Variants in SHISAL2B observed in about 807,000 individuals in gnomAD.
SHISAL2B encodes protein shisa-like-2B.
A neutral mutation model predicts 16.5 loss-of-function variants in SHISAL2B; 12 were observed. The ratio of observed to expected loss-of-function variants is 0.73; its 90% CI spans 0.47 to 1.18. The LOEUF is 1.18. Ranked by LOEUF, SHISAL2B falls within the 50% of genes most tolerant of loss-of-function variation. SHISAL2B has a pLI of 0.00. For missense variants in SHISAL2B, 183 were observed against 193.6 expected (o/e 0.95, Z 0.33); for synonymous variants, 72 against 75.0 (o/e 0.96, Z 0.21).
At chr5:64,702,455 C>A (rs920885064) in intron 2 of SHISAL2B, among the ~76,000 whole-genome samples, 1 of 152,128 alleles carries the variant, frequency 6.6e-6, no homozygotes, top group African/African-American at 2.4e-5. Context: ...CTGCCTTGGC[C>A]TCCCAAAGTG....
At chr5:64,712,412 T>G (rs1161455007) in intron 2 of SHISAL2B, among the ~76,000 whole-genome samples, 1 of 152,170 alleles carries the variant, frequency 6.6e-6, no homozygotes, top group Non-Finnish European at 1.5e-5. Flanking sequence ...GACAGTTTGT[T>G]ATAATTTCTG....
intron 2 of SHISAL2B, among the ~76,000 whole-genome samples, chr5:64,697,132 G>T (rs1252979902): frequency 6.6e-6 from 1 of 152,160 alleles, no homozygotes; most frequent in Admixed American, 6.5e-5. Flanking sequence ...AAAATAGAAA[G>T]AACCTATGTT....
Position 64,702,571 on chromosome 5 carries a change from T to C in SHISAL2B, c.349+6907T>C, listed in dbSNP as rs186272830. ...ATTAGTAATTAGTTATAGTTACCTA[T>C]GGTTATCTAATTATATAATTACCTA... On this transcript the variant is annotated intron_variant, in intron 2 of 2. Coordinates refer to ENST00000389074, the MANE Select transcript of SHISAL2B (RefSeq NM_001164442.2). Among the ~76,000 whole-genome samples the C allele has an allele frequency of 1.4e-3, 210 of 152,236 alleles. 1 individual carries two copies. Among genetic ancestry groups the C allele is most frequent in the African/African-American group, 4.9e-3 (202 of 41,570 alleles).
chr5:64,709,390 G>A (rs1741921895), intron 2 of SHISAL2B, among the ~76,000 whole-genome samples: 1 of 150,256 alleles, frequency 6.7e-6, no homozygotes, highest in South Asian at 2.1e-4. Flanking sequence ...TGGCTGCATA[G>A]TATTCCATGG....
intron 1 of SHISAL2B, among the ~76,000 whole-genome samples, chr5:64,692,813 A>G (rs1467241563): frequency 6.6e-6 from 1 of 152,058 alleles, no homozygotes; most frequent in Admixed American, 6.6e-5. Context: ...TTCTCCTCCT[A>G]TGACTCCCTA....
intron 2 of SHISAL2B, among the ~76,000 whole-genome samples, chr5:64,703,014 TCC>T (rs1243734368): frequency 6.6e-6 from 1 of 152,206 alleles, no homozygotes; most frequent in African/African-American, 2.4e-5. Context: ...AGACTCCATC[TCC>T]CCTCTCCTGT....
intron 2 of SHISAL2B, among the ~76,000 whole-genome samples, chr5:64,715,783 CATTT>C (rs1742040698): frequency 6.6e-6 from 1 of 152,092 alleles, no homozygotes; most frequent in Admixed American, 6.6e-5. Context: ...TGTAATTAAA[CATTT>C]ATTAGAAACC....
chr5:64,712,790 G>A (rs888963144), intron 2 of SHISAL2B, among the ~76,000 whole-genome samples: 5 of 151,944 alleles, frequency 3.3e-5, no homozygotes, highest in Non-Finnish European at 7.4e-5. Flanking sequence ...TTACCATTAT[G>A]TAATGGCCTT....
chr5:64,700,262 G>A (rs1336538340), intron 2 of SHISAL2B, among the ~76,000 whole-genome samples: 1 of 152,122 alleles, frequency 6.6e-6, no homozygotes, highest in Non-Finnish European at 1.5e-5. Flanking sequence ...TTCCACCAGA[G>A]AATCCTTAAA....
chr5:64,690,549 C>G lies in SHISAL2B; in HGVS notation c.-75C>G. The G allele has an allele frequency of 7.9e-7, 1 of 1,265,852 alleles. No individual in the cohort carries two copies. The highest frequency in any genetic ancestry group is 1.0e-6 in the Non-Finnish European group (1 of 966,444). 78.4% of individuals were successfully genotyped at this position (1,265,852 alleles called of 1,614,324 possible). A position where few individuals can be genotyped will look rare whatever the true frequency, so the allele number is the denominator to read the frequency against. ...GAGTCCGGGCAGAGGGGTCCGCGGGCTCTGGAGGTGCTGGACGGGTGCGAT... is the reference window on the plus strand; with the variant it reads ...GAGTCCGGGCAGAGGGGTCCGCGGGGTCTGGAGGTGCTGGACGGGTGCGAT... On this transcript the variant is annotated 5_prime_UTR_variant, in exon 1 of 3. Transcript: ENST00000389074.
At position 64,706,589 on chromosome 5, in the gene SHISAL2B, CT is replaced by C. The variant is rs1299763878; in HGVS notation, c.349+10926del. ...TCAGGTTTTGTCTGATCTCTCATGG[CT>C]AGTATGATTAATTCCTAGATGGGTA... On this transcript the variant is annotated intron_variant, in intron 2 of 2. Coordinates refer to ENST00000389074, the MANE Select transcript of SHISAL2B (RefSeq NM_001164442.2). Among the ~76,000 whole-genome samples the C allele has an allele frequency of 2.0e-5, 3 of 152,092 alleles. 1 individual carries two copies. Among genetic ancestry groups the C allele is most frequent in the Non-Finnish European group, 4.4e-5 (3 of 68,020 alleles).
chr5:64,715,032 G>T (rs188730536), intron 2 of SHISAL2B, among the ~76,000 whole-genome samples: 54 of 152,226 alleles, frequency 3.5e-4, no homozygotes, highest in African/African-American at 1.3e-3. Flanking sequence ...CTGTAGACCG[G>T]AGCTGTTACT....
At chr5:64,692,187 C>T (rs1198322478) in intron 1 of SHISAL2B, among the ~76,000 whole-genome samples, 1 of 152,154 alleles carries the variant, frequency 6.6e-6, no homozygotes, top group Admixed American at 6.5e-5. Flanking sequence ...TAATCTATCT[C>T]TGGGTCATTG....
chr5:64,691,209 G>C lies in SHISAL2B; in HGVS notation c.191+395G>C, dbSNP rs114702675. 4.0e-3 allele frequency: 804 copies of C among 198,770 alleles called. 6 individuals are homozygous for C. The highest frequency in any genetic ancestry group is 0.017 in the African/African-American group (744 of 43,488). 12.3% of individuals were successfully genotyped at this position (198,770 alleles called of 1,614,324 possible). On this transcript the variant is annotated intron_variant, in intron 1 of 2. Coordinates refer to ENST00000389074, the MANE Select transcript of SHISAL2B (RefSeq NM_001164442.2). ...GCGAGGACAGGAAGATAACCCAAGGGGAAGGTTTAAAATCCTCTTTTTGGT... is the reference window on the plus strand; with the variant it reads ...GCGAGGACAGGAAGATAACCCAAGGCGAAGGTTTAAAATCCTCTTTTTGGT...
intron 2 of SHISAL2B, among the ~76,000 whole-genome samples, chr5:64,706,919 A>T (rs968111867): frequency 2.0e-5 from 3 of 152,214 alleles, no homozygotes; most frequent in Non-Finnish European, 4.4e-5. Flanking sequence ...AAATTAAATT[A>T]AAAACATTAT....
At chr5:64,693,219 G>A (rs1230741653) in intron 1 of SHISAL2B, among the ~76,000 whole-genome samples, 1 of 152,118 alleles carries the variant, frequency 6.6e-6, no homozygotes, top group Non-Finnish European at 1.5e-5. Flanking sequence ...ATGTTAGCCA[G>A]GATGGTCTCA....
chr5:64,700,075 T>C (rs1580520917), intron 2 of SHISAL2B, among the ~76,000 whole-genome samples: 1 of 152,216 alleles, frequency 6.6e-6, no homozygotes, highest in East Asian at 1.9e-4. Flanking sequence ...TTTAAAAGAA[T>C]ACCATTGCTT....
chr5:64,702,731 C>T lies in SHISAL2B; in HGVS notation c.349+7067C>T, dbSNP rs147869294. 4.0e-3 allele frequency among the ~76,000 whole-genome samples: 609 copies of T among 152,068 alleles called. 2 individuals carry two copies. The highest frequency in any genetic ancestry group is 0.014 in the African/African-American group (567 of 41,486). ...TTTTCTTATACTTAAATCTTTAATA[C>T]TCCTGGAGCTTTAATTTTGGTATAA... is the stretch of plus-strand genomic sequence containing the variant. On this transcript the variant is annotated intron_variant, in intron 2 of 2. Coordinates refer to ENST00000389074, the MANE Select transcript of SHISAL2B (RefSeq NM_001164442.2).
chr5:64,713,488 C>G (rs1353101463), intron 2 of SHISAL2B, among the ~76,000 whole-genome samples: 1 of 112,570 alleles, frequency 8.9e-6, no homozygotes, highest in East Asian at 2.5e-4. Flanking sequence ...TCCTTCATTT[C>G]AACTTTGGTG....
Sources: gnomAD v4.1 joint callset for allele counts (sites outside exome capture counted in the v4.1 genomes callset) on GRCh38, gnomAD v4.1.1 for gene constraint, MANE v1.5 for transcripts, NCBI Gene and HGNC (gene_info 2026-07-23, HGNC 2026-07-21) for gene names.